Variants in DLG3 observed in about 807,000 individuals in gnomAD.
The protein encoded by DLG3 is disks large homolog 3.
A neutral mutation model predicts 64.1 loss-of-function variants in DLG3; 1 was observed. The ratio of observed to expected loss-of-function variants is 0.02; its 90% CI spans 0.01 to 0.07. The LOEUF is 0.07. DLG3 is among the 10% of genes least tolerant of loss of function. The pLI is 1.00. For synonymous variants in DLG3, 245 were observed against 259.8 expected (o/e 0.94, Z 0.55); for missense variants, 429 against 669.5 (o/e 0.64, Z 3.96).
chrX:70,499,135 T>G, intron 14 of DLG3, 41 bp from the exon 15 acceptor site: 1 of 1,020,453 alleles, frequency 9.8e-7, no homozygotes. Flanking sequence ...GGCTGTCTGG[T>G]GGGGGCCTCT....
intron 9 of DLG3, among the ~76,000 whole-genome samples, chrX:70,459,042 T>C (rs781037316): frequency 1.8e-5 from 2 of 112,378 alleles, no homozygotes; most frequent in East Asian, 5.6e-4. Context: ...TCCTACATTT[T>C]CCCCGTAGTG....
intron 13 of DLG3, chrX:70,497,097 T>C: frequency 9.9e-7 from 1 of 1,005,065 alleles, no homozygotes; most frequent in Non-Finnish European, 1.4e-6. Flanking sequence ...AGTGTCTCGC[T>C]CCTGGAGCAT....
intron 10 of DLG3, 138 bp downstream of exon 10, chrX:70,479,402 G>A: frequency 1.9e-6 from 1 of 532,004 alleles, no homozygotes; most frequent in East Asian, 3.4e-5. Context: ...GTATGCTTAG[G>A]TTGTGTATTT....
intron 9 of DLG3, among the ~76,000 whole-genome samples, chrX:70,460,720 T>C (rs1352823198): frequency 4.5e-5 from 5 of 111,864 alleles, no homozygotes; most frequent in African/African-American, 1.6e-4. Context: ...CTGTACGCTT[T>C]AGCTGTCACC....
intron 9 of DLG3, among the ~76,000 whole-genome samples, chrX:70,472,106 T>A (rs2086980598): frequency 8.9e-6 from 1 of 112,271 alleles, no homozygotes; most frequent in African/African-American, 3.2e-5. Flanking sequence ...CTACTCCCAT[T>A]TTATTCAGTA....
intron 9 of DLG3, among the ~76,000 whole-genome samples, chrX:70,462,243 CTTTTTTTTT>C (rs141689653): frequency 6.4e-5 from 3 of 46,984 alleles, no homozygotes; most frequent in Non-Finnish European, 1.0e-4. Flanking sequence ...TTCTTTCTTT[CTTTTTTTTT>C]TTTTTTTTTT....
chrX:70,451,105 T>TTTTG (rs947521169), intron 6 of DLG3: 5 of 299,403 alleles, frequency 1.7e-5, no homozygotes, highest in Admixed American at 1.6e-4. Flanking sequence ...GTCTTTGTTT[T>TTTTG]TTTGTTTGTT....
At chrX:70,452,802 G>C in intron 7 of DLG3, 1 of 1,084,353 alleles carries the variant, frequency 9.2e-7, no homozygotes. Context: ...CTCAGGGAGG[G>C]AGTCTCGCCC....
At chrX:70,462,044 C>G (rs1221231810) in intron 9 of DLG3, among the ~76,000 whole-genome samples, 3 of 89,238 alleles carry the variant, frequency 3.4e-5, no homozygotes, top group African/African-American at 8.2e-5. Flanking sequence ...TCCTCATCCC[C>G]CCCCCACCGC....
chrX:70,501,511 C>CAT (rs2087563199), intron 18 of DLG3, among the ~76,000 whole-genome samples: 1 of 109,333 alleles, frequency 9.1e-6, no homozygotes, highest in Non-Finnish European at 1.9e-5. Flanking sequence ...AGTACAGTGA[C>CAT]ATATATATAC....
intron 9 of DLG3, among the ~76,000 whole-genome samples, chrX:70,473,015 G>T (rs1234878926): frequency 3.7e-5 from 4 of 109,397 alleles, no homozygotes; most frequent in Non-Finnish European, 7.6e-5. Flanking sequence ...ATATTAGCTG[G>T]GAGTGGTGGC....
At chrX:70,481,543 A>G (rs1177254404) in intron 10 of DLG3, among the ~76,000 whole-genome samples, 6 of 111,987 alleles carry the variant, frequency 5.4e-5, no homozygotes, top group African/African-American at 1.6e-4. Context: ...TGAGAAACCT[A>G]TGTCAACATC....
intron 9 of DLG3, among the ~76,000 whole-genome samples, chrX:70,461,254 A>G (rs2086796417): frequency 8.9e-6 from 1 of 112,334 alleles, no homozygotes; most frequent in South Asian, 3.7e-4. Flanking sequence ...GATTCTAGCC[A>G]TCCTGGTAGG....
In DLG3 at chrX:70,502,711, T is replaced by C. The variant is rs2087587397; in HGVS notation, c.*442T>C. 7.3e-6 allele frequency: 1 copy of C among 137,427 alleles called. No homozygotes were observed. The highest frequency in any genetic ancestry group is 7.9e-5 in the Admixed American group (1 of 12,586). The allele number at this position is 137,427 out of a possible 1,213,427, so 11.3% of individuals were successfully genotyped here. ...TTTCTCCCTATCTGTACTGCTGTCT[T>C]GCAGCTCTGAACGGTGCAACGTAAT... On this transcript the variant is annotated 3_prime_UTR_variant, in exon 19 of 19. Transcript: ENST00000374360.
intron 13 of DLG3, 66 bp downstream of exon 13, chrX:70,495,519 A>G: frequency 9.7e-7 from 1 of 1,025,898 alleles, no homozygotes; most frequent in South Asian, 1.9e-5. Context: ...GGGTGGGGCT[A>G]TTGGGGACAT....
intron 10 of DLG3, 60 bp downstream of exon 10, chrX:70,479,324 C>T: frequency 1.1e-6 from 1 of 890,461 alleles, no homozygotes; most frequent in South Asian, 2.0e-5. Flanking sequence ...CATGCCAACC[C>T]AGCCCTTCTT....
chrX:70,490,776 C>T (rs1005906366), intron 10 of DLG3, among the ~76,000 whole-genome samples: 1 of 112,172 alleles, frequency 8.9e-6, no homozygotes. Flanking sequence ...GGTGTGAAAA[C>T]ACCTTATTAA....
At chrX:70,477,552 C>T (rs904268891) in intron 9 of DLG3, among the ~76,000 whole-genome samples, 1 of 111,230 alleles carries the variant, frequency 9.0e-6, no homozygotes, top group East Asian at 2.8e-4. Flanking sequence ...GATGGCTTGC[C>T]GTGTAACCCT....
chrX:70,487,941 G>A (rs1428018850), intron 10 of DLG3, among the ~76,000 whole-genome samples: 2 of 111,114 alleles, frequency 1.8e-5, no homozygotes, highest in South Asian at 3.9e-4. Flanking sequence ...GTGAACCACC[G>A]CACCCAACCA....
Sources: allele counts gnomAD v4.1 joint callset (sites outside exome capture counted in the v4.1 genomes callset), GRCh38; gene constraint gnomAD v4.1.1; transcripts MANE v1.5; gene names NCBI Gene and HGNC (gene_info 2026-07-23, HGNC 2026-07-21).